The following TMIE variants were observed in gnomAD, a reference collection of about 807,000 sequenced individuals.
TMIE encodes the protein transmembrane inner ear.
A neutral mutation model predicts 16.8 loss-of-function variants in TMIE; 14 were observed. The ratio of observed to expected loss-of-function variants is 0.83; its 90% confidence interval spans 0.55 to 1.30. TMIE has a LOEUF of 1.30. TMIE is among the 50% of genes most tolerant of loss of function. The probability of loss-of-function intolerance (pLI) is 0.00; values close to 1 mark genes in which losing one functional copy is unlikely to be tolerated. For missense variants in TMIE, 204 were observed against 205.9 expected, an observed-to-expected ratio of 0.99 and a Z score of 0.06; for synonymous variants, 75 against 87.2, an observed-to-expected ratio of 0.86 and a Z score of 0.78.
chr3:46,698,065 C>CT (rs982752384), upstream of TMIE, among the ~76,000 whole-genome samples: 20 of 151,762 alleles, frequency 1.3e-4, no homozygotes, highest in African/African-American at 2.7e-4. Context: ...TGTTTTGTTT[C>CT]TTTTTTTTGA....
upstream of TMIE, among the ~76,000 whole-genome samples, chr3:46,698,498 G>T (rs1357033065): frequency 6.6e-6 from 1 of 151,808 alleles, no homozygotes; most frequent in Non-Finnish European, 1.5e-5. Context: ...TGTTGCCCAG[G>T]CTAGTCTTGA....
chr3:46,700,759 T>C (rs1292384458), upstream of TMIE, among the ~76,000 whole-genome samples: 4 of 152,092 alleles, frequency 2.6e-5, no homozygotes, highest in Non-Finnish European at 5.9e-5. Context: ...TCAGAGTCAG[T>C]GTTCAGGCTG....
intron 1 of TMIE, among the ~76,000 whole-genome samples, chr3:46,704,553 C>G (rs1278910353): frequency 7.4e-6 from 1 of 135,216 alleles, no homozygotes; most frequent in Non-Finnish European, 1.6e-5. Flanking sequence ...ACGCCCAGGG[C>G]AGGACCATGT....
chr3:46,703,015 C>T (rs963225447), intron 1 of TMIE, among the ~76,000 whole-genome samples: 1 of 152,214 alleles, frequency 6.6e-6, no homozygotes, highest in Non-Finnish European at 1.5e-5. Flanking sequence ...AGGAACTCAT[C>T]TTTTCCCAGT....
At position 46,701,444 on chromosome 3, in the gene TMIE, G is replaced by T. The variant is rs774894444; in HGVS notation, c.-44G>T. On this transcript the variant is annotated 5_prime_UTR_variant, in exon 1 of 4. Coordinates refer to ENST00000643606, the MANE Select transcript of TMIE (RefSeq NM_147196.3). The surrounding 1 kb of genome is among the most constrained non-coding windows in gnomAD (Gnocchi z 4.3). Reference sequence around the variant, plus strand: ...TGGCAGGGGCAGTGACCGGCGGCCGGCCCGTTCGTCCCTGGGCTCCGCAAG... The same window carrying T: ...TGGCAGGGGCAGTGACCGGCGGCCGTCCCGTTCGTCCCTGGGCTCCGCAAG... 20 of 1,409,818 alleles carry T rather than the reference G, an allele frequency of 1.4e-5. No individual in the cohort carries two copies. In the South Asian group the frequency reaches 2.8e-4, roughly 20 times the overall value. The allele number at this position is 1,409,818 out of a possible 1,614,324, so 87.3% of individuals were successfully genotyped here.
upstream of TMIE, among the ~76,000 whole-genome samples, chr3:46,698,138 C>G (rs1700426429): frequency 6.6e-6 from 1 of 152,020 alleles, no homozygotes; most frequent in Admixed American, 6.6e-5. Flanking sequence ...ACTGCAACCA[C>G]CTCCTGGGTT....
In TMIE at chr3:46,709,637, AG is replaced by A. The variant is rs777638974; in HGVS notation, c.421del (p.Val141Ter). ...ACAGTGTGGACACAGTGGCCATCAA[AG>A]TAGAGGAGGATGAGAAGAATGAGGC... ...KDSVDTVAIK[V>X]EEDEKNEAKK... On this transcript the variant is annotated frameshift_variant, in exon 4 of 4. Transcript: ENST00000643606. LOFTEE classifies it high-confidence loss of function. 1.6e-5 allele frequency: 26 copies of A among 1,613,842 alleles called. No homozygotes were observed. The highest frequency in any genetic ancestry group is 2.0e-5 in the Non-Finnish European group (24 of 1,179,954).
upstream of TMIE, among the ~76,000 whole-genome samples, chr3:46,699,463 A>C (rs895026785): frequency 6.6e-6 from 1 of 152,134 alleles, no homozygotes; most frequent in Non-Finnish European, 1.5e-5. Flanking sequence ...CTGCTGTTTA[A>C]GTTCAGTCAG....
intron 3 of TMIE, 60 bp downstream of exon 3, chr3:46,709,335 G>C: frequency 6.2e-7 from 1 of 1,611,924 alleles, no homozygotes; most frequent in Non-Finnish European, 8.5e-7. Context: ...CTGCTGCCTG[G>C]AGTCACCCTG....
chr3:46,706,428 T>C (rs1022463141), intron 2 of TMIE, among the ~76,000 whole-genome samples: 5 of 152,204 alleles, frequency 3.3e-5, no homozygotes, highest in African/African-American at 7.2e-5. Context: ...TGGGAGCTTC[T>C]TGATGCAAAG....
At chr3:46,708,392 G>A (rs1279817306) in intron 2 of TMIE, among the ~76,000 whole-genome samples, 1 of 152,208 alleles carries the variant, frequency 6.6e-6, no homozygotes, top group Non-Finnish European at 1.5e-5. Flanking sequence ...CTCCTCTAGG[G>A]CTGGGGCCAA....
intron 1 of TMIE, among the ~76,000 whole-genome samples, chr3:46,705,290 G>A (rs949743389): frequency 6.6e-6 from 1 of 152,204 alleles, no homozygotes; most frequent in African/African-American, 2.4e-5. Flanking sequence ...TAGGGTAGGC[G>A]ACCAAAGGAG....
At chr3:46,709,494 G>T in intron 3 of TMIE, 85 bp from the exon 4 acceptor site, 1 of 1,613,442 alleles carries the variant, frequency 6.2e-7, no homozygotes. Context: ...AGTGTAGGAG[G>T]TTCTGGGGCT....
rs570066857 is a variant in TMIE at position 46,709,499 on chromosome 3, G to A, written c.362-80G>A. 3.1e-6 allele frequency: 5 copies of A among 1,613,490 alleles called. No individual in the cohort carries two copies. The South Asian group carries it at 5.5e-5, about 18-fold the overall frequency. On this transcript the variant is annotated intron_variant, in intron 3 of 3. Coordinates refer to ENST00000643606, the MANE Select transcript of TMIE (RefSeq NM_147196.3). ...AAAAAGGCAGAGTGTAGGAGGTTCT[G>A]GGGCTCTTCCCCTCAGGACAGTCAG...
At chr3:46,700,154 G>A (rs949199080), upstream of TMIE, among the ~76,000 whole-genome samples, 2 of 152,210 alleles carry the variant, frequency 1.3e-5, no homozygotes, top group Non-Finnish European at 2.9e-5. Context: ...GGGGAGGACT[G>A]GGTGGCCCAG....
chr3:46,702,476 G>A (rs1700489057), intron 1 of TMIE, among the ~76,000 whole-genome samples: 1 of 152,156 alleles, frequency 6.6e-6, no homozygotes, highest in Admixed American at 6.5e-5. Context: ...GAGGGAGCTG[G>A]CAGACCAGAC....
upstream of TMIE, among the ~76,000 whole-genome samples, chr3:46,697,973 A>C (rs1700425043): frequency 6.6e-6 from 1 of 152,164 alleles, no homozygotes; most frequent in South Asian, 2.1e-4. Context: ...GTGGTGTTTA[A>C]TACTGGAGAA....
chr3:46,704,382 T>C (rs1338160632), intron 1 of TMIE, among the ~76,000 whole-genome samples: 6 of 100,666 alleles, frequency 6.0e-5, no homozygotes, highest in Admixed American at 2.4e-4. Context: ...CCCTAGACAC[T>C]CAGGGTGGAC....
At chr3:46,708,871 C>T (rs1700585075) in intron 2 of TMIE, among the ~76,000 whole-genome samples, 1 of 152,252 alleles carries the variant, frequency 6.6e-6, no homozygotes. Context: ...AGGACCAGGA[C>T]TGGTGACATA....
Sources: gnomAD v4.1 joint callset for allele counts (sites outside exome capture counted in the v4.1 genomes callset) on GRCh38, gnomAD v4.1.1 for gene constraint, Gnocchi (gnomAD v3.1) non-coding constraint, MANE v1.5 for transcripts, NCBI Gene and HGNC (gene_info 2026-07-23, HGNC 2026-07-21) for gene names.